PLD3: variants seen among roughly 807,000 people sequenced by gnomAD.
PLD3 encodes the protein phospholipase D family member 3.
Under a neutral mutation model 58.4 loss-of-function variants are expected in PLD3, and 31 were observed. That is an observed-to-expected ratio of 0.53 (90% confidence interval 0.40 to 0.72). The LOEUF (loss-of-function observed/expected upper bound fraction) is 0.72. PLD3 is among the 30% of genes least tolerant of loss of function. The pLI is 0.00. For synonymous variants in PLD3, 264 were observed against 273.4 expected, an observed-to-expected ratio of 0.97 and a Z score of 0.34; for missense variants, 595 against 659.8, an observed-to-expected ratio of 0.90 and a Z score of 1.08.
chr19:40,372,488 C>CA (rs58189493), intron 9 of PLD3, among the ~76,000 whole-genome samples: 5 of 148,572 alleles, frequency 3.4e-5, no homozygotes, highest in South Asian at 2.1e-4. Flanking sequence ...CAGCCTGTTT[C>CA]AAAAAAAAAT....
intron 1 of PLD3, among the ~76,000 whole-genome samples, chr19:40,364,117 A>T (rs1268655639): frequency 6.6e-6 from 1 of 150,664 alleles, no homozygotes; most frequent in Non-Finnish European, 1.5e-5. Flanking sequence ...GCACTTTGGG[A>T]GGCCAAGGCA....
intron 1 of PLD3, among the ~76,000 whole-genome samples, chr19:40,364,348 C>A (rs949052501): frequency 3.4e-5 from 5 of 149,052 alleles, no homozygotes; most frequent in African/African-American, 1.2e-4. Context: ...AGCGAAACTC[C>A]GTCTCAGAAA....
At chr19:40,368,637 T>A (rs2078987468) in intron 6 of PLD3, among the ~76,000 whole-genome samples, 1 of 152,078 alleles carries the variant, frequency 6.6e-6, no homozygotes, top group African/African-American at 2.4e-5. Context: ...GTGTGGTGAT[T>A]CACACCTGTA....
chr19:40,353,935 C>A (rs1045458943), intron 1 of PLD3, among the ~76,000 whole-genome samples: 1 of 152,056 alleles, frequency 6.6e-6, no homozygotes, highest in Non-Finnish European at 1.5e-5. Flanking sequence ...TGCTCTCTCA[C>A]CCAGGCTGGA....
intron 11 of PLD3, among the ~76,000 whole-genome samples, chr19:40,377,082 T>TGGGATGGGGAGGCACAGGCAGAA (rs1403817596): frequency 2.7e-5 from 2 of 74,382 alleles, no homozygotes; most frequent in East Asian, 3.9e-4. Flanking sequence ...GGGTCAGGGC[T>TGGGATGGGGAGGCACAGGCAGAA]GGGATGGGGA....
At chr19:40,363,726 C>T (rs1161025783) in intron 1 of PLD3, among the ~76,000 whole-genome samples, 2 of 152,092 alleles carry the variant, frequency 1.3e-5, no homozygotes, top group East Asian at 1.9e-4. Flanking sequence ...CCACCACACC[C>T]GACCTGCTAG....
intron 6 of PLD3, among the ~76,000 whole-genome samples, chr19:40,368,184 G>A (rs1301536231): frequency 1.3e-5 from 2 of 152,168 alleles, no homozygotes. Context: ...AAAGGGAAGA[G>A]TGGAGTAATT....
chr19:40,366,834 C>T lies in PLD3; in HGVS notation c.164C>T (p.Thr55Ile), dbSNP rs977484313. Reference protein sequence around the residue: ...LAVVGFGALMTQLFLWEYGDL... With the variant: ...LAVVGFGALMIQLFLWEYGDL... ...GTTGTGGGCTTCGGAGCCCTGATGACTCAGCTGTTTCTATGGGAATACGGC... is the reference window on the plus strand; with the variant it reads ...GTTGTGGGCTTCGGAGCCCTGATGATTCAGCTGTTTCTATGGGAATACGGC... The change falls in exon 5 of 13, where the codon ACT (threonine) becomes ATT (isoleucine). Residue 55 changes from threonine (T) to isoleucine (I), a missense_variant. Thr to Ile is a moderately conservative substitution (Grantham distance 89). Transcript: ENST00000409735. The T allele has an allele frequency of 1.2e-6, 2 of 1,613,880 alleles. No individual in the cohort carries two copies. The highest frequency in any genetic ancestry group is 1.3e-5 in the African/African-American group (1 of 74,882).
At chr19:40,366,229 G>A in intron 2 of PLD3, 190 bp from the exon 3 acceptor site, 3 of 582,444 alleles carry the variant, frequency 5.2e-6, no homozygotes, top group South Asian at 3.9e-5. Context: ...AGAGCAGGCA[G>A]CAGAGCGTTG....
intron 5 of PLD3, 84 bp downstream of exon 5, chr19:40,366,999 C>T: frequency 3.5e-6 from 5 of 1,426,712 alleles, no homozygotes; most frequent in Non-Finnish European, 3.8e-6. Flanking sequence ...GGCCTGCACT[C>T]AGCCCTACCC....
At chr19:40,366,352 TC>T in intron 2 of PLD3, 66 bp from the exon 3 acceptor site, 1 of 807,816 alleles carries the variant, frequency 1.2e-6, no homozygotes, top group Non-Finnish European at 2.2e-6. Context: ...GACTAATCAC[TC>T]TTCTGTGATG....
rs569676865 is a variant in PLD3, at chr19:40,378,377, A to G, written c.*204A>G. 3.0e-6 allele frequency: 2 copies of G among 671,252 alleles called. No homozygotes were observed. Among genetic ancestry groups the G allele is most frequent in the Admixed American group, 2.4e-5 (1 of 41,940 alleles). 41.6% of individuals were successfully genotyped at this position (671,252 alleles called of 1,614,324 possible). The stretch of plus-strand genomic sequence containing the variant: ...ACCCAGCAGAGCTGGGGGAGGGATC[A>G]GCCCCCAAAGAAATGGGGGTGCATG... On this transcript the variant is annotated 3_prime_UTR_variant, in exon 13 of 13. Transcript: ENST00000409735.
At chr19:40,369,496 C>A (rs1412334614) in intron 6 of PLD3, among the ~76,000 whole-genome samples, 2 of 152,186 alleles carry the variant, frequency 1.3e-5, no homozygotes, top group African/African-American at 4.8e-5. Context: ...TAGAACAGGG[C>A]CTGGCACACA....
At chr19:40,373,474 G>A (rs1404690417) in intron 9 of PLD3, among the ~76,000 whole-genome samples, 1 of 152,026 alleles carries the variant, frequency 6.6e-6, no homozygotes, top group African/African-American at 2.4e-5. Context: ...CTACTCGGGA[G>A]GCTGAGGCAG....
chr19:40,374,885 G>A, intron 10 of PLD3: 1 of 475,024 alleles, frequency 2.1e-6, no homozygotes, highest in Non-Finnish European at 3.8e-6. Flanking sequence ...GCCGGGCGTG[G>A]TGGCTCACGC....
intron 1 of PLD3, among the ~76,000 whole-genome samples, chr19:40,352,873 G>C (rs1027411926): frequency 5.9e-5 from 9 of 151,966 alleles, no homozygotes; most frequent in Admixed American, 5.9e-4. Context: ...TGAGGCGAGA[G>C]GATCACTTGA....
rs1049680 is a variant in PLD3 at position 40,378,387 on chromosome 19, G to A, written c.*214G>A. The A allele has an allele frequency of 4.6e-6, 3 of 658,990 alleles. No individual in the cohort carries two copies. The East Asian group carries it at 8.2e-5, about 18-fold the overall frequency. 40.8% of individuals were successfully genotyped at this position (658,990 alleles called of 1,614,324 possible). On this transcript the variant is annotated 3_prime_UTR_variant, in exon 13 of 13. Coordinates refer to ENST00000409735, the MANE Select transcript of PLD3 (RefSeq NM_012268.4). ...GCTGGGGGAGGGATCAGCCCCCAAA[G>A]AAATGGGGGTGCATGCTGGGCCTGG...
intron 2 of PLD3, chr19:40,366,180 G>A (rs1600300532): frequency 8.1e-6 from 4 of 493,092 alleles, no homozygotes; most frequent in East Asian, 8.1e-5. Context: ...GGGGAGCTGC[G>A]TGGGTGCTGA....
intron 1 of PLD3, among the ~76,000 whole-genome samples, chr19:40,362,352 C>G (rs571986045): frequency 1.3e-5 from 2 of 152,192 alleles, no homozygotes; most frequent in African/African-American, 4.8e-5. Context: ...AGCTCAGATT[C>G]AAACACAGGT....
Sources: allele counts gnomAD v4.1 joint callset (sites outside exome capture counted in the v4.1 genomes callset), GRCh38; gene constraint gnomAD v4.1.1; transcripts MANE v1.5; gene names NCBI Gene and HGNC (gene_info 2026-07-23, HGNC 2026-07-21).